The following ARMH3 variants were observed in gnomAD, a reference collection of about 807,000 sequenced individuals.
The protein encoded by ARMH3 is armadillo like helical domain containing 3.
In ARMH3, 60 loss-of-function variants were observed where a neutral mutation model predicts 99.1. The ratio of observed to expected loss-of-function variants is 0.61; its 90% CI spans 0.49 to 0.75. The LOEUF (loss-of-function observed/expected upper bound fraction) is 0.75, where lower values mean the gene tolerates loss of function less well. Among genes scored for constraint, ARMH3 ranks in the 30% least tolerant of loss-of-function variants. ARMH3 has a pLI of 0.00. For synonymous variants in ARMH3, 285 were observed against 292.8 expected (o/e 0.97, Z 0.27); for missense variants, 679 against 843.1 (o/e 0.81, Z 2.41).
intron 4 of ARMH3, among the ~76,000 whole-genome samples, chr10:102,030,182 A>G (rs1452903939): frequency 6.6e-6 from 1 of 151,832 alleles, no homozygotes; most frequent in African/African-American, 2.4e-5. Flanking sequence ...CAGCCTCCCA[A>G]AGTTCTGGAA....
chr10:101,856,070 A>T (rs994682728), intron 24 of ARMH3, among the ~76,000 whole-genome samples: 4 of 152,150 alleles, frequency 2.6e-5, no homozygotes, highest in African/African-American at 9.7e-5. Flanking sequence ...AAGGAATTCA[A>T]ACTTGCTTCT....
intron 23 of ARMH3, among the ~76,000 whole-genome samples, chr10:101,918,244 G>A (rs1006800465): frequency 1.3e-5 from 2 of 152,154 alleles, no homozygotes; most frequent in African/African-American, 2.4e-5. Context: ...AGTAGAGACG[G>A]GGTTTCACCA....
At chr10:101,953,797 T>A (rs1042328503) in intron 22 of ARMH3, among the ~76,000 whole-genome samples, 3 of 152,138 alleles carry the variant, frequency 2.0e-5, no homozygotes, top group Admixed American at 6.6e-5. Flanking sequence ...AAATAGAACA[T>A]GCATTTTGGA....
intron 1 of ARMH3, among the ~76,000 whole-genome samples, chr10:102,049,258 T>C (rs774870442): frequency 1.4e-4 from 21 of 152,116 alleles, no homozygotes; most frequent in Non-Finnish European, 2.6e-4. Flanking sequence ...AAAATGAAAA[T>C]AGGGCTGGCA....
intron 21 of ARMH3, 137 bp from the exon 22 acceptor site, chr10:101,956,860 T>TA (rs1314480090): frequency 2.7e-5 from 19 of 697,088 alleles, no homozygotes; most frequent in Non-Finnish European, 3.9e-5. Context: ...AGCCAGTTGT[T>TA]AAACACAGCC....
intron 23 of ARMH3, among the ~76,000 whole-genome samples, chr10:101,902,752 C>T (rs2068010972): frequency 6.6e-6 from 1 of 152,070 alleles, no homozygotes; most frequent in African/African-American, 2.4e-5. Context: ...AACCAAGCAG[C>T]GCTGCCCAGG....
chr10:102,020,798 A>T (rs1171457036), intron 8 of ARMH3, among the ~76,000 whole-genome samples: 1 of 150,158 alleles, frequency 6.7e-6, no homozygotes, highest in Non-Finnish European at 1.5e-5. Context: ...GATTGCAGTG[A>T]GATCGCACCA....
chr10:101,992,559 G>A (rs938235440), intron 17 of ARMH3, among the ~76,000 whole-genome samples: 2 of 150,568 alleles, frequency 1.3e-5, no homozygotes, highest in East Asian at 1.9e-4. Flanking sequence ...GAAGTGGCAC[G>A]ATCTCGGCTC....
In ARMH3 at chr10:102,009,400, G is replaced by C; in HGVS notation, c.928C>G (p.Arg310Gly). The change falls in exon 13 of 26, where the codon CGC (arginine) becomes GGC (glycine). Residue 310 changes from arginine to glycine, a missense_variant. By Grantham distance (125) the Arg-to-Gly change is moderately radical. Transcript: ENST00000370033. ...TGAGCTAATACTGTGATGAAGTTGC[G>C]ATTTAAATGAACAGCTTCATAAAGT... is the stretch of plus-strand genomic sequence containing the variant. ...LALYEAVHLN[R>G]NFITVLAQSH... 2 of 1,614,004 alleles carry C rather than the reference G, an allele frequency of 1.2e-6. No individual in the cohort carries two copies. The highest frequency in any genetic ancestry group is 1.7e-6 in the Non-Finnish European group (2 of 1,179,950).
At chr10:102,030,780 T>C (rs1177313814) in intron 4 of ARMH3, among the ~76,000 whole-genome samples, 1 of 151,956 alleles carries the variant, frequency 6.6e-6, no homozygotes, top group Non-Finnish European at 1.5e-5. Flanking sequence ...TTTTGTTTTG[T>C]CTTGTTTTTG....
At chr10:101,909,801 T>C (rs1056271292) in intron 23 of ARMH3, among the ~76,000 whole-genome samples, 2 of 152,092 alleles carry the variant, frequency 1.3e-5, no homozygotes, top group Admixed American at 1.3e-4. Flanking sequence ...TGCATGCCTG[T>C]ATCAAAGCAT....
chr10:102,010,092 C>G (rs574728383), intron 11 of ARMH3, 69 bp from the exon 12 acceptor site: 3 of 1,473,290 alleles, frequency 2.0e-6, no homozygotes, highest in Admixed American at 3.5e-5. Context: ...GCCTAGGAAG[C>G]CTTTTATCAG....
chr10:101,983,535 A>C (rs1186927401), intron 19 of ARMH3, among the ~76,000 whole-genome samples: 1 of 152,218 alleles, frequency 6.6e-6, no homozygotes, highest in Non-Finnish European at 1.5e-5. Context: ...CTAGGATTAC[A>C]GGCATGAACC....
intron 23 of ARMH3, among the ~76,000 whole-genome samples, chr10:101,927,978 G>A (rs887272583): frequency 6.6e-6 from 1 of 152,194 alleles, no homozygotes; most frequent in Non-Finnish European, 1.5e-5. Flanking sequence ...GGAGGCTGAG[G>A]CACGAGAATC....
chr10:101,902,985 G>C (rs1001310013), intron 23 of ARMH3, among the ~76,000 whole-genome samples: 5 of 152,096 alleles, frequency 3.3e-5, no homozygotes. Context: ...ACAGGAGGCT[G>C]GTATAATTGT....
chr10:101,893,009 T>G (rs1170356942), intron 23 of ARMH3, among the ~76,000 whole-genome samples: 1 of 151,948 alleles, frequency 6.6e-6, no homozygotes, highest in African/African-American at 2.4e-5. Flanking sequence ...CAAGTGGGGG[T>G]CAAACATTTT....
At chr10:101,886,464 C>T (rs1289019075) in intron 24 of ARMH3, among the ~76,000 whole-genome samples, 4 of 151,928 alleles carry the variant, frequency 2.6e-5, no homozygotes, top group African/African-American at 9.7e-5. Context: ...GAGCCAAGAT[C>T]GTGCCACTGT....
chr10:101,980,721 A>G (rs1271362668), intron 19 of ARMH3, among the ~76,000 whole-genome samples: 1 of 152,194 alleles, frequency 6.6e-6, no homozygotes, highest in African/African-American at 2.4e-5. Flanking sequence ...GAATCAAGCT[A>G]AAATAGGGGT....
chr10:101,914,661 T>C (rs1487115839), intron 23 of ARMH3, among the ~76,000 whole-genome samples: 2 of 151,018 alleles, frequency 1.3e-5, no homozygotes, highest in African/African-American at 2.4e-5. Flanking sequence ...AGATCAGGAG[T>C]TCGAGACCAG....
Sources: gnomAD v4.1 joint callset for allele counts (sites outside exome capture counted in the v4.1 genomes callset) on GRCh38, gnomAD v4.1.1 for gene constraint, MANE v1.5 for transcripts, NCBI Gene and HGNC (gene_info 2026-07-23, HGNC 2026-07-21) for gene names.